Variants in CRTC1 observed in about 807,000 individuals in gnomAD.
CRTC1 encodes CREB-regulated transcription coactivator 1.
CRTC1 carries 18 observed loss-of-function variants against 66.1 expected under a neutral mutation model. The ratio of observed to expected loss-of-function variants is 0.27; its 90% CI spans 0.19 to 0.40. The LOEUF is 0.40. CRTC1 is among the 10% of genes least tolerant of loss of function. The pLI is 1.00. For missense variants in CRTC1, 669 were observed against 887.9 expected, an observed-to-expected ratio of 0.75 and a Z score of 3.13; for synonymous variants, 416 against 398.8, an observed-to-expected ratio of 1.04 and a Z score of -0.51.
chr19:18,772,213 C>T (rs1249440341), intron 11 of CRTC1, among the ~76,000 whole-genome samples: 1 of 152,190 alleles, frequency 6.6e-6, no homozygotes, highest in Non-Finnish European at 1.5e-5. Context: ...CGGAATGCCC[C>T]TTCGTTCTGC....
intron 1 of CRTC1, among the ~76,000 whole-genome samples, chr19:18,738,461 T>A (rs1226762933): frequency 6.6e-6 from 1 of 152,164 alleles, no homozygotes; most frequent in Admixed American, 6.5e-5. Context: ...GGCCTCCAGA[T>A]GAGACCGTCC....
chr19:18,692,933 G>T (rs974522651), intron 1 of CRTC1, among the ~76,000 whole-genome samples: 6 of 151,704 alleles, frequency 4.0e-5, no homozygotes, highest in Admixed American at 3.9e-4. Context: ...AAATTAGCTG[G>T]GCATGGTGGC....
intron 11 of CRTC1, 103 bp from the exon 12 acceptor site, chr19:18,774,796 TG>T (rs2054945613): frequency 4.8e-6 from 5 of 1,036,294 alleles, no homozygotes; most frequent in Non-Finnish European, 7.4e-6. Flanking sequence ...TCCTGCCGTC[TG>T]GGAGGTTCCA....
At chr19:18,752,085 G>T (rs1007450059) in intron 5 of CRTC1, among the ~76,000 whole-genome samples, 1 of 150,540 alleles carries the variant, frequency 6.6e-6, no homozygotes, top group Non-Finnish European at 1.5e-5. Flanking sequence ...CCCAGTAGGC[G>T]CAGGTTGCAG....
At chr19:18,747,658 G>A (rs1040040031) in intron 4 of CRTC1, among the ~76,000 whole-genome samples, 2 of 152,098 alleles carry the variant, frequency 1.3e-5, no homozygotes, top group East Asian at 1.9e-4. Flanking sequence ...GGACGATACC[G>A]CATATTCAGC....
intron 8 of CRTC1, among the ~76,000 whole-genome samples, chr19:18,762,687 G>T (rs924585464): frequency 6.6e-6 from 1 of 152,158 alleles, no homozygotes; most frequent in Non-Finnish European, 1.5e-5. Context: ...CTCCCTGCCC[G>T]CTCCAGACTT....
intron 6 of CRTC1, among the ~76,000 whole-genome samples, chr19:18,759,208 A>C (rs1424563634): frequency 1.3e-5 from 2 of 152,154 alleles, no homozygotes; most frequent in African/African-American, 4.8e-5. Flanking sequence ...GTCTCTATGA[A>C]ATAGAATAAA....
intron 7 of CRTC1, 60 bp from the exon 8 acceptor site, chr19:18,759,948 T>TCCCCCCCCCCCCCC: frequency 1.5e-6 from 2 of 1,328,590 alleles, no homozygotes; most frequent in Non-Finnish European, 2.1e-6. Context: ...CAGCCCCCTG[T>TCCCCCCCCCCCCCC]CCCCGCCGCC....
At chr19:18,756,053 G>C (rs1033018233) in intron 6 of CRTC1, among the ~76,000 whole-genome samples, 1 of 152,094 alleles carries the variant, frequency 6.6e-6, no homozygotes, top group Non-Finnish European at 1.5e-5. Context: ...AGAACCCTAG[G>C]CCAGGTGCAG....
chr19:18,757,059 C>T (rs1234547215), intron 6 of CRTC1, among the ~76,000 whole-genome samples: 3 of 152,234 alleles, frequency 2.0e-5, no homozygotes, highest in Non-Finnish European at 2.9e-5. Context: ...TGCCCCCTCA[C>T]GGTGTGTGCA....
chr19:18,688,792 C>G (rs1036386732), intron 1 of CRTC1, among the ~76,000 whole-genome samples: 1 of 152,118 alleles, frequency 6.6e-6, no homozygotes, highest in Non-Finnish European at 1.5e-5. Flanking sequence ...CATTCCGCCA[C>G]TCAGTGGCTT....
intron 1 of CRTC1, among the ~76,000 whole-genome samples, chr19:18,697,946 A>G (rs551234481): frequency 6.6e-6 from 1 of 151,586 alleles, no homozygotes; most frequent in African/African-American, 2.4e-5. Flanking sequence ...CTCAGCAGGC[A>G]CACAGTGTGT....
intron 1 of CRTC1, among the ~76,000 whole-genome samples, chr19:18,728,139 G>T (rs1477909272): frequency 3.3e-5 from 5 of 152,174 alleles, no homozygotes; most frequent in African/African-American, 1.2e-4. Flanking sequence ...TCATGCCCAA[G>T]AGTTGGGGAT....
intron 8 of CRTC1, among the ~76,000 whole-genome samples, chr19:18,763,550 G>A (rs924049259): frequency 3.3e-5 from 5 of 152,316 alleles, no homozygotes; most frequent in South Asian, 4.1e-4. Flanking sequence ...GCCGGACAAC[G>A]CGTTTTTTCA....
In CRTC1 at chr19:18,723,733, G is replaced by A. The variant is rs546638499; in HGVS notation, c.127-19177G>A. On this transcript the variant is annotated intron_variant, in intron 1 of 13. Transcript: ENST00000321949. ...GGCCTGGAGAGGGAGCCTTAGCTAT[G>A]TGTTTCGATGTGGTCAGATGGCCTG... Among the ~76,000 whole-genome samples the A allele has an allele frequency of 8.5e-5, 13 of 152,354 alleles. No individual in the cohort carries two copies. The South Asian group carries it at 2.5e-3, about 29-fold the overall frequency.
At chr19:18,718,689 C>G (rs2053559728) in intron 1 of CRTC1, among the ~76,000 whole-genome samples, 1 of 152,072 alleles carries the variant, frequency 6.6e-6, no homozygotes, top group Non-Finnish European at 1.5e-5. Flanking sequence ...ATGGACAGAC[C>G]AGTCTTATTC....
intron 11 of CRTC1, among the ~76,000 whole-genome samples, chr19:18,774,179 C>A (rs1361011033): frequency 6.6e-6 from 1 of 152,166 alleles, no homozygotes; most frequent in South Asian, 2.1e-4. Flanking sequence ...CTCCTCGCCT[C>A]CACACCCCAG....
At chr19:18,728,706 T>C (rs1233151261) in intron 1 of CRTC1, among the ~76,000 whole-genome samples, 1 of 151,936 alleles carries the variant, frequency 6.6e-6, no homozygotes, top group Non-Finnish European at 1.5e-5. Context: ...AGTTTCATCA[T>C]GTTGGCCAGG....
chr19:18,761,872 G>A (rs1001337668), intron 8 of CRTC1, among the ~76,000 whole-genome samples: 2 of 152,088 alleles, frequency 1.3e-5, no homozygotes, highest in Non-Finnish European at 2.9e-5. Flanking sequence ...GCCCCAGCCC[G>A]AGCGCATTGA....
Sources: allele counts gnomAD v4.1 joint callset (sites outside exome capture counted in the v4.1 genomes callset), GRCh38; gene constraint gnomAD v4.1.1; transcripts MANE v1.5; gene names NCBI Gene and HGNC (gene_info 2026-07-23, HGNC 2026-07-21).